Variants in ERO1B observed in about 807,000 individuals in gnomAD.
ERO1B encodes the protein endoplasmic reticulum oxidoreductase 1 beta, also known as ERO1-like protein beta.
In ERO1B, 49 loss-of-function variants were observed where a neutral mutation model predicts 75.3. The observed-to-expected ratio is 0.65, with a 90% CI of 0.52 to 0.83. The LOEUF is 0.83. ERO1B is among the 40% of genes least tolerant of loss of function. The probability of loss-of-function intolerance (pLI) is 0.00; values close to 1 mark genes in which losing one functional copy is unlikely to be tolerated. For synonymous variants in ERO1B, 191 were observed against 192.9 expected, an observed-to-expected ratio of 0.99 and a Z score of 0.08; for missense variants, 512 against 560.1, an observed-to-expected ratio of 0.91 and a Z score of 0.87.
chr1:236,237,373 C>T (rs2102946648), intron 6 of ERO1B, among the ~76,000 whole-genome samples: 1 of 152,188 alleles, frequency 6.6e-6, no homozygotes, highest in South Asian at 2.1e-4. Flanking sequence ...CCTCGGCCTC[C>T]CAAAGTGGCG....
chr1:236,221,103 G>T, intron 14 of ERO1B, 138 bp from the exon 15 acceptor site: 2 of 591,130 alleles, frequency 3.4e-6, no homozygotes, highest in Non-Finnish European at 5.2e-6. Flanking sequence ...TATTACTACA[G>T]TTTCTACTTT....
chr1:236,220,721 A>AGTT, intron 15 of ERO1B, 111 bp downstream of exon 15: 2 of 875,714 alleles, frequency 2.3e-6, no homozygotes, highest in South Asian at 2.9e-5. Context: ...TACAATATAA[A>AGTT]ATTTTTTTTT....
chr1:236,237,590 T>C (rs975744220), intron 6 of ERO1B, among the ~76,000 whole-genome samples: 4 of 152,182 alleles, frequency 2.6e-5, no homozygotes, highest in Admixed American at 2.0e-4. Context: ...TCAAGTGTTA[T>C]ATATGGCACA....
chr1:236,222,013 A>G lies in ERO1B; in HGVS notation c.1123-3T>C, dbSNP rs1198684227. 3.7e-6 allele frequency: 6 copies of G among 1,609,942 alleles called. No individual in the cohort carries two copies. Among genetic ancestry groups the G allele is most frequent in the Non-Finnish European group, 5.1e-6 (6 of 1,176,520 alleles). ...TTGAAATGTAATCGGAATTCCTCCTAGCAAGCAGAAAATATTTTCAGTCTA... is the reference window on the plus strand; with the variant it reads ...TTGAAATGTAATCGGAATTCCTCCTGGCAAGCAGAAAATATTTTCAGTCTA... On this transcript the variant is annotated splice_polypyrimidine_tract_variant and splice_region_variant and intron_variant, in intron 13 of 15. Coordinates refer to ENST00000354619, the MANE Select transcript of ERO1B (RefSeq NM_019891.4).
chr1:236,268,587 T>TA (rs1429966719), intron 2 of ERO1B, among the ~76,000 whole-genome samples: 3 of 151,996 alleles, frequency 2.0e-5, no homozygotes, highest in Non-Finnish European at 4.4e-5. Context: ...ACCCTGTCTC[T>TA]AAAAAAAGCA....
At chr1:236,268,334 G>A (rs1391425613) in intron 2 of ERO1B, among the ~76,000 whole-genome samples, 1 of 152,128 alleles carries the variant, frequency 6.6e-6, no homozygotes, top group East Asian at 1.9e-4. Context: ...CAGCTACTCG[G>A]GAGGCTGAGG....
intron 1 of ERO1B, among the ~76,000 whole-genome samples, chr1:236,277,105 A>G (rs949284009): frequency 5.3e-5 from 8 of 152,210 alleles, no homozygotes; most frequent in African/African-American, 1.9e-4. Flanking sequence ...TCTTTACAGC[A>G]ATACAAGAAT....
intron 2 of ERO1B, among the ~76,000 whole-genome samples, chr1:236,262,868 A>G (rs1458604046): frequency 6.6e-6 from 1 of 152,168 alleles, no homozygotes; most frequent in African/African-American, 2.4e-5. Flanking sequence ...CTGCAGGTAG[A>G]CAAGCTTGGG....
intron 5 of ERO1B, among the ~76,000 whole-genome samples, chr1:236,246,830 T>C (rs959636331): frequency 2.6e-5 from 4 of 152,186 alleles, no homozygotes; most frequent in African/African-American, 9.7e-5. Flanking sequence ...TAAAGTTACA[T>C]TGACCTTTAC....
intron 6 of ERO1B, among the ~76,000 whole-genome samples, chr1:236,239,439 T>C (rs1452928199): frequency 6.6e-6 from 1 of 152,122 alleles, no homozygotes; most frequent in East Asian, 1.9e-4. Flanking sequence ...CTTAAAAAGC[T>C]TACCAACCTC....
At chr1:236,265,443 A>G (rs951312177) in intron 2 of ERO1B, among the ~76,000 whole-genome samples, 1 of 152,152 alleles carries the variant, frequency 6.6e-6, no homozygotes, top group African/African-American at 2.4e-5. Flanking sequence ...TTTCATTTCT[A>G]TATCATACGT....
chr1:236,277,425 A>G (rs1665734892), intron 1 of ERO1B, among the ~76,000 whole-genome samples: 2 of 151,926 alleles, frequency 1.3e-5, no homozygotes, highest in African/African-American at 4.8e-5. Context: ...AAAAAAAAGA[A>G]TGGACTAATA....
rs775238632 is a variant in ERO1B, at chr1:236,226,754, A to G, written c.713-15T>C. On this transcript the variant is annotated splice_polypyrimidine_tract_variant and intron_variant, in intron 10 of 15. Coordinates refer to ENST00000354619, the MANE Select transcript of ERO1B (RefSeq NM_019891.4). ...CAGACACAAACCTATTCAGAAAAAT[A>G]TTGAAAAAGAAATTACACCTATTTA... is the stretch of plus-strand genomic sequence containing the variant. 2.5e-6 allele frequency: 4 copies of G among 1,585,822 alleles called. No individual in the cohort carries two copies. In the Admixed American group the frequency reaches 7.3e-5, roughly 29 times the overall value.
chr1:236,222,111 G>T, intron 13 of ERO1B, 101 bp from the exon 14 acceptor site: 2 of 909,514 alleles, frequency 2.2e-6, no homozygotes, highest in Admixed American at 2.2e-5. Flanking sequence ...TAAATCAGTT[G>T]TGTTTTTTGT....
At chr1:236,252,521 A>G (rs1405631034) in intron 3 of ERO1B, among the ~76,000 whole-genome samples, 1 of 152,192 alleles carries the variant, frequency 6.6e-6, no homozygotes, top group Non-Finnish European at 1.5e-5. Flanking sequence ...ATTTTGGATT[A>G]CTAGAAAGCT....
chr1:236,281,327 G>C (rs1208397752), intron 1 of ERO1B: 1 of 177,830 alleles, frequency 5.6e-6, no homozygotes, highest in Non-Finnish European at 1.2e-5. Flanking sequence ...CTGGGCGCTC[G>C]CTCCCTTCGC....
intron 12 of ERO1B, 85 bp downstream of exon 12, chr1:236,226,184 T>A (rs1249186165): frequency 2.2e-6 from 3 of 1,387,458 alleles, no homozygotes; most frequent in Non-Finnish European, 3.0e-6. Flanking sequence ...GGTTAACTTT[T>A]AGGAGTCAGT....
intron 3 of ERO1B, among the ~76,000 whole-genome samples, chr1:236,253,196 T>C (rs1665080497): frequency 6.6e-6 from 1 of 152,194 alleles, no homozygotes; most frequent in African/African-American, 2.4e-5. Flanking sequence ...TAAGACTATA[T>C]TTCCATATTT....
At chr1:236,273,486 A>T (rs1432709302) in intron 1 of ERO1B, among the ~76,000 whole-genome samples, 2 of 152,186 alleles carry the variant, frequency 1.3e-5, no homozygotes, top group Non-Finnish European at 2.9e-5. Context: ...TTGCTACACA[A>T]ATGTTTCTGG....
Sources: allele counts gnomAD v4.1 joint callset (sites outside exome capture counted in the v4.1 genomes callset), GRCh38; gene constraint gnomAD v4.1.1; transcripts MANE v1.5; gene names NCBI Gene and HGNC (gene_info 2026-07-23, HGNC 2026-07-21).